ACOT1: variants seen among roughly 807,000 people sequenced by gnomAD.
ACOT1 encodes acyl-coenzyme A thioesterase 1.
ACOT1 carries 8 observed loss-of-function variants against 15.7 expected under a neutral mutation model. That is an observed-to-expected ratio of 0.51 (90% confidence interval 0.30 to 0.92). The LOEUF (loss-of-function observed/expected upper bound fraction) is 0.92. Ranked by LOEUF, ACOT1 falls within the 40% of genes least tolerant of loss-of-function variation. The pLI, the probability that ACOT1 is intolerant of heterozygous loss-of-function variation, is 0.06. For synonymous variants in ACOT1, 67 were observed against 241.2 expected (o/e 0.28, Z 6.69); for missense variants, 151 against 539.4 (o/e 0.28, Z 7.13).
chr14:73,511,967 G>T, the ACOT1 span: 1 of 1,612,592 alleles, frequency 6.2e-7, no homozygotes, highest in Non-Finnish European at 8.5e-7. Context: ...GGCTTTATGA[G>T]TTGCTTATGT....
the ACOT1 span, chr14:73,491,065 GA>G: frequency 6.3e-7 from 1 of 1,594,018 alleles, no homozygotes; most frequent in Non-Finnish European, 8.5e-7. Context: ...GCGGGCGGCC[GA>G]AGCGCCGGCG....
chr14:73,518,139 G>A, the ACOT1 span, among the ~76,000 whole-genome samples: 2 of 151,864 alleles, frequency 1.3e-5, no homozygotes, highest in East Asian at 1.9e-4. Context: ...GCTGTCTGGC[G>A]GGTGCCTCCA....
At chr14:73,527,412 C>T in the ACOT1 span, 8 of 150,988 alleles carry the variant, frequency 5.3e-5, no homozygotes, top group Non-Finnish European at 1.0e-4. Context: ...GAGATAACAC[C>T]GAGAAGAAAT....
chr14:73,509,346 A>C, the ACOT1 span: 1 of 1,614,144 alleles, frequency 6.2e-7, no homozygotes, highest in East Asian at 2.2e-5. Context: ...TGTTCCGGGC[A>C]AGGGGATTAT....
the ACOT1 span, chr14:73,511,959 C>T: frequency 2.5e-6 from 4 of 1,612,096 alleles, no homozygotes; most frequent in Non-Finnish European, 3.4e-6. Flanking sequence ...TGTTCCATGG[C>T]TTTATGAGTT....
the ACOT1 span, among the ~76,000 whole-genome samples, chr14:73,531,547 T>C: frequency 4.0e-4 from 43 of 106,258 alleles, 9 homozygotes; most frequent in Non-Finnish European, 6.8e-4. Context: ...CAGCCTCCCA[T>C]TACAGGCCAC....
chr14:73,535,462 CTTCTTTCTTTTTTTTT>C (rs1888825876), upstream of ACOT1, among the ~76,000 whole-genome samples: 1 of 59,330 alleles, frequency 1.7e-5, no homozygotes, highest in Non-Finnish European at 3.8e-5. Flanking sequence ...TTTTCTTTTT[CTTCTTTCTTTTTTTTT>C]TTTTTTTTTT....
the ACOT1 span, among the ~76,000 whole-genome samples, chr14:73,527,961 CAAA>C: frequency 0.053 from 2,798 of 52,654 alleles, 141 homozygotes; most frequent in African/African-American, 0.19. Flanking sequence ...AACTCCATCT[CAAA>C]AAAAAAAAAA....
the ACOT1 span, chr14:73,500,875 G>A: frequency 1.5e-6 from 1 of 683,956 alleles, no homozygotes; most frequent in South Asian, 2.0e-5. Flanking sequence ...AAGTTTTACT[G>A]GGTACAGAGC....
At chr14:73,524,591 C>G in the ACOT1 span, among the ~76,000 whole-genome samples, 1 of 150,176 alleles carries the variant, frequency 6.7e-6, no homozygotes, top group East Asian at 1.9e-4. Flanking sequence ...TTTTAAGAAG[C>G]TGAGGTTCAG....
the ACOT1 span, among the ~76,000 whole-genome samples, chr14:73,513,584 A>T: frequency 6.6e-6 from 1 of 151,812 alleles, no homozygotes; most frequent in Admixed American, 6.6e-5. Flanking sequence ...AAAGTTAACC[A>T]AGTGTGGTGG....
chr14:73,493,200 TTCA>T, the ACOT1 span: 3 of 1,143,574 alleles, frequency 2.6e-6, no homozygotes, highest in African/African-American at 3.1e-5. Context: ...GAGCACCAAC[TTCA>T]TCACCTTCAG....
chr14:73,523,782 T>C, the ACOT1 span, among the ~76,000 whole-genome samples: 3 of 152,176 alleles, frequency 2.0e-5, no homozygotes, highest in East Asian at 3.9e-4. Context: ...GCTCCATAAC[T>C]CTTTCTTGAC....
At chr14:73,513,462 G>GA in the ACOT1 span, among the ~76,000 whole-genome samples, 57 of 116,004 alleles carry the variant, frequency 4.9e-4, no homozygotes, top group Admixed American at 9.1e-4. Flanking sequence ...TTCCATCTCA[G>GA]AAAAAGAAAA....
At chr14:73,500,878 T>G in the ACOT1 span, 1 of 666,742 alleles carries the variant, frequency 1.5e-6, no homozygotes, top group Non-Finnish European at 2.5e-6. Context: ...TTTTACTGGG[T>G]ACAGAGCTCG....
chr14:73,534,686 G>A (rs750363145), upstream of ACOT1, among the ~76,000 whole-genome samples: 12 of 113,904 alleles, frequency 1.1e-4, 3 homozygotes, highest in African/African-American at 2.9e-4. Context: ...GAGACACCCC[G>A]TCTTAAAAAA....
the ACOT1 span, chr14:73,492,783 C>T: frequency 1.9e-6 from 3 of 1,613,796 alleles, no homozygotes; most frequent in Non-Finnish European, 2.5e-6. This position sits in a 1 kb window ranked among gnomAD's most constrained non-coding sequence, Gnocchi z 4.9. Context: ...GAAATATACC[C>T]CCAGCAAGCT....
At chr14:73,501,288 T>C in the ACOT1 span, among the ~76,000 whole-genome samples, 4 of 151,744 alleles carry the variant, frequency 2.6e-5, no homozygotes, top group Non-Finnish European at 5.9e-5. Context: ...CTGGCTAATT[T>C]TGTTTTTCTT....
At chr14:73,519,265 A>G in the ACOT1 span, 5 of 1,213,986 alleles carry the variant, frequency 4.1e-6, no homozygotes, top group South Asian at 1.7e-5. Flanking sequence ...CTTTTGCCCT[A>G]ATCTAAGCCC....
Sources: gnomAD v4.1 joint callset for allele counts (sites outside exome capture counted in the v4.1 genomes callset) on GRCh38, gnomAD v4.1.1 for gene constraint, Gnocchi (gnomAD v3.1) non-coding constraint, MANE v1.5 for transcripts, NCBI Gene and HGNC (gene_info 2026-07-23, HGNC 2026-07-21) for gene names.